The following FOXL2 variants were observed in gnomAD, a reference collection of about 807,000 sequenced individuals.
The protein encoded by FOXL2 is forkhead box protein L2.
FOXL2 carries 3 observed loss-of-function variants against 2.5 expected under a neutral mutation model. The observed-to-expected ratio is 1.20, with a 90% CI of 0.55 to 3.11. The LOEUF (loss-of-function observed/expected upper bound fraction) is 3.11. Ranked by LOEUF, FOXL2 falls within the 30% of genes most tolerant of loss-of-function variation. The pLI is 0.03. For missense variants in FOXL2, 512 were observed against 570.0 expected, an observed-to-expected ratio of 0.90 and a Z score of 1.04; for synonymous variants, 315 against 269.4, an observed-to-expected ratio of 1.17 and a Z score of -1.66.
At position 138,945,865 on chromosome 3, in the gene FOXL2, A is replaced by T. The variant is rs370950963; in HGVS notation, c.858T>A (p.Pro286=). The change falls in exon 1 of 1, where the codon CCT becomes CCA. Residue 286 remains proline, a synonymous_variant. Coordinates refer to ENST00000648323, the MANE Select transcript of FOXL2 (RefSeq NM_023067.4). ...GLGGPPAAPP[P]PPHPHPHPHA... is the part of the protein sequence containing the mutation. ...GCGGATGCGGGTGGGGGTGCGGCGG[A>T]GGCGGGGGTGCGGCCGGCGGGCCTC... 2.4e-6 allele frequency: 3 copies of T among 1,240,878 alleles called. No individual in the cohort carries two copies. In the South Asian group the frequency reaches 1.1e-4, roughly 46 times the overall value. 76.9% of individuals were successfully genotyped at this position (1,240,878 alleles called of 1,614,324 possible). A position where few individuals can be genotyped will look rare whatever the true frequency, so the allele number is the denominator to read the frequency against.
In FOXL2 at chr3:138,946,630, C is replaced by T. The variant is rs2107745029; in HGVS notation, c.93G>A (p.Pro31=). The T allele has an allele frequency of 6.3e-7, 1 of 1,590,682 alleles. No individual in the cohort carries two copies. Among genetic ancestry groups the T allele is most frequent in the Middle Eastern group, 1.8e-4 (1 of 5,532 alleles). ...GRTVKEPEGP[P]PSPGKGGGGG... is the part of the protein sequence containing the mutation. ...CCCCACCGCCCTTGCCTGGGCTCGGCGGCGGCCCTTCTGGCTCCTTGACTG... is the reference window on the plus strand; with the variant it reads ...CCCCACCGCCCTTGCCTGGGCTCGGTGGCGGCCCTTCTGGCTCCTTGACTG... Residue 31 remains proline, a synonymous_variant, in exon 1 of 1, where the codon CCG becomes CCA. Coordinates refer to ENST00000648323, the MANE Select transcript of FOXL2 (RefSeq NM_023067.4).
In FOXL2 at chr3:138,945,265, CCGCGGTGA is replaced by C; in HGVS notation, c.*319_*326del. On this transcript the variant is annotated 3_prime_UTR_variant, in exon 1 of 1. Coordinates refer to ENST00000648323, the MANE Select transcript of FOXL2 (RefSeq NM_023067.4). ...GTCGCACCTCCGCCCCGGGCCCTTTCCGCGGTGAATTTGGGCAGGAGACGCTGGGGCTC... is the reference window on the plus strand; with the variant it reads ...GTCGCACCTCCGCCCCGGGCCCTTTCATTTGGGCAGGAGACGCTGGGGCTC... 3.4e-4 allele frequency: 90 copies of C among 261,626 alleles called. No individual in the cohort carries two copies. The highest frequency in any genetic ancestry group is 2.4e-3 in the South Asian group (17 of 7,212). 16.2% of individuals were successfully genotyped at this position (261,626 alleles called of 1,614,324 possible).
chr3:138,945,556 T>A lies in FOXL2; in HGVS notation c.*36A>T, dbSNP rs768497108. 2 of 1,594,984 alleles carry A rather than the reference T, an allele frequency of 1.3e-6. No individual in the cohort carries two copies. The highest frequency in any genetic ancestry group is 2.3e-5 in the East Asian group (1 of 44,346). On this transcript the variant is annotated 3_prime_UTR_variant, in exon 1 of 1. Transcript: ENST00000648323. ...GGGGCCGGCGTCGCGCGTCCCTGCA[T>A]CCTCGCATCCGTCTGCACCGGCATG...
At position 138,945,336 on chromosome 3, in the gene FOXL2, G is replaced by C; in HGVS notation, c.*256C>G. Reference sequence around the variant, plus strand: ...AGCCCAGTAGAAAGCGCGCAGAGAGGCAGCTTCAGGCCAGGGGAGTGCAAG... The same window carrying C: ...AGCCCAGTAGAAAGCGCGCAGAGAGCCAGCTTCAGGCCAGGGGAGTGCAAG... On this transcript the variant is annotated 3_prime_UTR_variant, in exon 1 of 1. Transcript: ENST00000648323. The C allele has an allele frequency of 2.6e-6, 1 of 381,620 alleles. No individual in the cohort carries two copies. The highest frequency in any genetic ancestry group is 2.1e-5 in the African/African-American group (1 of 48,748). 23.6% of individuals were successfully genotyped at this position (381,620 alleles called of 1,614,324 possible).
chr3:138,946,441 ATTC>A lies in FOXL2; in HGVS notation c.279_281del (p.Lys93del). 6.2e-7 allele frequency: 1 copy of A among 1,614,044 alleles called. No individual in the cohort carries two copies. The highest frequency in any genetic ancestry group is 8.5e-7 in the Non-Finnish European group (1 of 1,179,976). On this transcript the variant is annotated inframe_deletion, in exon 1 of 1. Coordinates refer to ENST00000648323, the MANE Select transcript of FOXL2 (RefSeq NM_023067.4). ...GGATGCTATTTTGCCAGCCCTTCTT[ATTC>A]TTCTCGTAGAACGGGAACTTCGCGA...
Position 138,946,036 on chromosome 3 carries a change from AGCT to A in FOXL2, c.684_686del (p.Ala234del). 1 of 1,392,338 alleles carries A rather than the reference AGCT, an allele frequency of 7.2e-7. No individual in the cohort carries two copies. The highest frequency in any genetic ancestry group is 9.2e-7 in the Non-Finnish European group (1 of 1,084,944). The allele number at this position is 1,392,338 out of a possible 1,614,324, so 86.2% of individuals were successfully genotyped here. On this transcript the variant is annotated inframe_deletion, in exon 1 of 1. Transcript: ENST00000648323. ...TACCGGGGCCCGCGGCTGCAGCCGC[AGCT>A]GCTGCAGCCGCTGCGGCTGCCGCCA...
rs906645524 is a variant in FOXL2, at chr3:138,945,699, C to T, written c.1024G>A (p.Gly342Ser). 2 of 1,549,396 alleles carry T rather than the reference C, an allele frequency of 1.3e-6. No individual in the cohort carries two copies. Among genetic ancestry groups the T allele is most frequent in the Non-Finnish European group, 1.8e-6 (2 of 1,139,210 alleles). Residue 342 changes from glycine to serine, a missense_variant, in exon 1 of 1, where the codon GGC (glycine) becomes AGC (serine). By Grantham distance (56) the Gly-to-Ser change is moderately conservative. This residue lies in a region of FOXL2 where 66 missense variants were observed against 58.3 expected (regional missense o/e 1.13). Transcript: ENST00000648323. ...TGCCGGGCACAAGCGAACTGCAGGCCCGGCGCACTGGTGGGCGCGGGCGCC... is the reference window on the plus strand; with the variant it reads ...TGCCGGGCACAAGCGAACTGCAGGCTCGGCGCACTGGTGGGCGCGGGCGCC... ...PPAPAPTSAP[G>S]LQFACARQPE...
chr3:138,945,483 C>CCT lies in FOXL2; in HGVS notation c.*108_*109insAG. On this transcript the variant is annotated 3_prime_UTR_variant, in exon 1 of 1. Coordinates refer to ENST00000648323, the MANE Select transcript of FOXL2 (RefSeq NM_023067.4). ...CCTGGGCGCTGGCTCCAGAGGCGGG[C>CCT]CCAGAGGGTGTGAGGTCAGGCTGGC... 6.7e-7 allele frequency: 1 copy of CCT among 1,482,288 alleles called. No individual in the cohort carries two copies. The highest frequency in any genetic ancestry group is 9.0e-7 in the Non-Finnish European group (1 of 1,107,394). The allele number at this position is 1,482,288 out of a possible 1,614,324, so 91.8% of individuals were successfully genotyped here.
Position 138,945,511 on chromosome 3 carries a change from C to A in FOXL2, c.*81G>T. ...AGAGGGTGTGAGGTCAGGCTGGCGG[C>A]GGCGTCGTCGGCTGCGACCGGGGCC... On this transcript the variant is annotated 3_prime_UTR_variant, in exon 1 of 1. Coordinates refer to ENST00000648323, the MANE Select transcript of FOXL2 (RefSeq NM_023067.4). 6.5e-7 allele frequency: 1 copy of A among 1,542,094 alleles called. No individual in the cohort carries two copies. The highest frequency in any genetic ancestry group is 1.1e-5 in the South Asian group (1 of 87,866).
rs942873270 is a variant in FOXL2 at position 138,945,558 on chromosome 3, C to T, written c.*34G>A. 3.1e-6 allele frequency: 5 copies of T among 1,597,222 alleles called. No individual in the cohort carries two copies. Among genetic ancestry groups the T allele is most frequent in the African/African-American group, 1.3e-5 (1 of 74,532 alleles). ...GGCCGGCGTCGCGCGTCCCTGCATC[C>T]TCGCATCCGTCTGCACCGGCATGCG... On this transcript the variant is annotated 3_prime_UTR_variant, in exon 1 of 1. Coordinates refer to ENST00000648323, the MANE Select transcript of FOXL2 (RefSeq NM_023067.4).
Position 138,945,235 on chromosome 3 carries a change from G to GAGTTGAATTGTGTAGAT in FOXL2, c.*356_*357insATCTACACAATTCAACT. 3.9e-6 allele frequency: 1 copy of GAGTTGAATTGTGTAGAT among 253,838 alleles called. No individual in the cohort carries two copies. The highest frequency in any genetic ancestry group is 1.3e-4 in the South Asian group (1 of 7,460). 15.7% of individuals were successfully genotyped at this position (253,838 alleles called of 1,614,324 possible). A position where few individuals can be genotyped will look rare whatever the true frequency, so the allele number is the denominator to read the frequency against. On this transcript the variant is annotated 3_prime_UTR_variant, in exon 1 of 1. Coordinates refer to ENST00000648323, the MANE Select transcript of FOXL2 (RefSeq NM_023067.4). ...AGGCCAAGAGGTCTGCGCTGCCGAC[G>GAGTTGAATTGTGTAGAT]CCCGGTCGCACCTCCGCCCCGGGCC...
In FOXL2 at chr3:138,946,644, G is replaced by A. The variant is rs1935982093; in HGVS notation, c.79C>T (p.Pro27Ser). 1.3e-6 allele frequency: 2 copies of A among 1,587,904 alleles called. No homozygotes were observed. The highest frequency in any genetic ancestry group is 1.7e-6 in the Non-Finnish European group (2 of 1,170,604). ...CCTGGGCTCGGCGGCGGCCCTTCTG[G>A]CTCCTTGACTGTGCGACCGGTCTCT... ...APETGRTVKE[P>S]EGPPPSPGKG... The change falls in exon 1 of 1, where the codon CCA (proline) becomes TCA (serine). Residue 27 changes from proline (P) to serine (S), a missense_variant. Pro to Ser is a moderately conservative substitution (Grantham distance 74). Around this residue, in one of 5 missense-constraint regions of FOXL2, gnomAD observed 92 missense variants for 77.8 expected, o/e 1.18. Coordinates refer to ENST00000648323, the MANE Select transcript of FOXL2 (RefSeq NM_023067.4).
At position 138,944,519 on chromosome 3, in the gene FOXL2, C is replaced by A. The variant is rs1263582439; in HGVS notation, c.*1073G>T. 4.3e-6 allele frequency: 1 copy of A among 233,010 alleles called. No homozygotes were observed. Among genetic ancestry groups the A allele is most frequent in the Non-Finnish European group, 8.5e-6 (1 of 117,736 alleles). The allele number at this position is 233,010 out of a possible 1,614,324, so 14.4% of individuals were successfully genotyped here. On this transcript the variant is annotated 3_prime_UTR_variant, in exon 1 of 1. Coordinates refer to ENST00000648323, the MANE Select transcript of FOXL2 (RefSeq NM_023067.4). ...GTCCCAGCAGCGTGGGCCAGGCAGG[C>A]AGTGATCTCCCTGCCTCCAGGACTT...
At position 138,946,821 on chromosome 3, in the gene FOXL2, C is replaced by A; in HGVS notation, c.-99G>T. On this transcript the variant is annotated 5_prime_UTR_variant, in exon 1 of 1. Coordinates refer to ENST00000648323, the MANE Select transcript of FOXL2 (RefSeq NM_023067.4). The stretch of plus-strand genomic sequence containing the variant: ...CGCACGAGTCCGCTTACGGCCAAGT[C>A]TCAAACTTCTGGAGACTGCGGATGC... 1 of 1,499,874 alleles carries A rather than the reference C, an allele frequency of 6.7e-7. No individual in the cohort carries two copies. Among genetic ancestry groups the A allele is most frequent in the Non-Finnish European group, 8.9e-7 (1 of 1,118,788 alleles). 92.9% of individuals were successfully genotyped at this position (1,499,874 alleles called of 1,614,324 possible).
chr3:138,946,010 C>A lies in FOXL2; in HGVS notation c.713G>T (p.Ser238Ile). The change falls in exon 1 of 1, where the codon AGC becomes ATC. Residue 238 changes from serine (S) to isoleucine (I), a missense_variant. Around this residue, in one of 5 missense-constraint regions of FOXL2, gnomAD observed 287 missense variants for 277.4 expected, o/e 1.03. Coordinates refer to ENST00000648323, the MANE Select transcript of FOXL2 (RefSeq NM_023067.4). Reference protein sequence around the residue: ...AAAAAAAGPGSPGAAAVVKGL... With the variant: ...AAAAAAAGPGIPGAAAVVKGL... ...CTTGACCACAGCGGCCGCGCCAGGG[C>A]TACCGGGGCCCGCGGCTGCAGCCGC... is the stretch of plus-strand genomic sequence containing the variant. 2 of 1,393,662 alleles carry A rather than the reference C, an allele frequency of 1.4e-6. No homozygotes were observed. Among genetic ancestry groups the A allele is most frequent in the Non-Finnish European group, 1.8e-6 (2 of 1,087,008 alleles). 86.3% of individuals were successfully genotyped at this position (1,393,662 alleles called of 1,614,324 possible).
chr3:138,945,263 T>A lies in FOXL2; in HGVS notation c.*329A>T. ...CGGTCGCACCTCCGCCCCGGGCCCT[T>A]TCCGCGGTGAATTTGGGCAGGAGAC... On this transcript the variant is annotated 3_prime_UTR_variant, in exon 1 of 1. Transcript: ENST00000648323. 77 of 251,102 alleles carry A rather than the reference T, an allele frequency of 3.1e-4. No individual in the cohort carries two copies. Among genetic ancestry groups the A allele is most frequent in the South Asian group, 2.1e-3 (13 of 6,118 alleles). The allele number at this position is 251,102 out of a possible 1,614,324, so 15.6% of individuals were successfully genotyped here. A position where few individuals can be genotyped will look rare whatever the true frequency, so the allele number is the denominator to read the frequency against.
Position 138,945,801 on chromosome 3 carries a change from C to A in FOXL2, c.922G>T (p.Ala308Ser). The A allele has an allele frequency of 8.4e-7, 1 of 1,185,950 alleles. No individual in the cohort carries two copies. The highest frequency in any genetic ancestry group is 1.0e-6 in the Non-Finnish European group (1 of 957,804). 73.5% of individuals were successfully genotyped at this position (1,185,950 alleles called of 1,614,324 possible). The change falls in exon 1 of 1, where the codon GCC (alanine) becomes TCC (serine). Residue 308 changes from alanine to serine, a missense_variant. Around this residue, in one of 5 missense-constraint regions of FOXL2, gnomAD observed 287 missense variants for 277.4 expected, o/e 1.03. Transcript: ENST00000648323. Reference protein sequence around the residue: ...HLHAAAAPPPAPPHHGAAAPP... With the variant: ...HLHAAAAPPPSPPHHGAAAPP... ...GCGGCGGCCCCGTGGTGCGGTGGGG[C>A]AGGCGGCGGTGCGGCGGCCGCGTGC...
rs367789389 is a variant in FOXL2, at chr3:138,945,601, G to C, written c.1122C>G (p.Leu374=). The C allele has an allele frequency of 6.2e-6, 10 of 1,609,362 alleles. No homozygotes were observed. Among genetic ancestry groups the C allele is most frequent in the African/African-American group, 1.3e-5 (1 of 74,948 alleles). ...DSKTGALHSR[L]DL Reference sequence around the variant, plus strand: ...GGCATGCGGTGGGCTCTCAGAGATCGAGGCGCGAATGCAGCGCGCCGGTCT... The same window carrying C: ...GGCATGCGGTGGGCTCTCAGAGATCCAGGCGCGAATGCAGCGCGCCGGTCT... The change falls in exon 1 of 1, where the codon CTC becomes CTG. Residue 374 remains leucine (L), a synonymous_variant. Coordinates refer to ENST00000648323, the MANE Select transcript of FOXL2 (RefSeq NM_023067.4).
rs893285499 is a variant in FOXL2, at chr3:138,947,119, A to G, written c.-397T>C. Reference sequence around the variant, plus strand: ...TGCCTCCTGGAGTCCCTAGTGCGCCAGGAGCCTCGCTCTGTTCTGATTCGT... The same window carrying G: ...TGCCTCCTGGAGTCCCTAGTGCGCCGGGAGCCTCGCTCTGTTCTGATTCGT... On this transcript the variant is annotated 5_prime_UTR_variant, in exon 1 of 1. Transcript: ENST00000648323. This position sits in a 1 kb window ranked among gnomAD's most constrained non-coding sequence, Gnocchi z 5.2. 2 of 451,498 alleles carry G rather than the reference A, an allele frequency of 4.4e-6. No homozygotes were observed. Among genetic ancestry groups the G allele is most frequent in the East Asian group, 3.8e-5 (1 of 26,006 alleles). The allele number at this position is 451,498 out of a possible 1,614,324, so 28.0% of individuals were successfully genotyped here.
Sources: gnomAD v4.1 joint callset for allele counts on GRCh38, gnomAD v4.1.1 for gene constraint, gnomAD v4.1.1 regional missense constraint, Gnocchi (gnomAD v3.1) non-coding constraint, MANE v1.5 for transcripts, NCBI Gene and HGNC (gene_info 2026-07-23, HGNC 2026-07-21) for gene names.